The following POMC variants were observed in gnomAD, a reference collection of about 807,000 sequenced individuals.
POMC encodes proopiomelanocortin, also known as pro-opiomelanocortin.
A neutral mutation model predicts 18.5 loss-of-function variants in POMC; 19 were observed. That is an observed-to-expected ratio of 1.03 (90% CI 0.72 to 1.51). The LOEUF (loss-of-function observed/expected upper bound fraction) is 1.51. POMC is among the 40% of genes most tolerant of loss of function. The probability of loss-of-function intolerance (pLI) is 0.00; values close to 1 mark genes in which losing one functional copy is unlikely to be tolerated. For missense variants in POMC, 451 were observed against 379.0 expected (o/e 1.19, Z -1.58); for synonymous variants, 179 against 161.9 (o/e 1.11, Z -0.80).
Position 25,161,624 on chromosome 2 carries a change from G to T in POMC, c.261C>A (p.Phe87Leu), listed in dbSNP as rs199636726. The T allele has an allele frequency of 6.4e-4, 991 of 1,553,510 alleles. 4 individuals are homozygous for T. In the African/African-American group the frequency reaches 0.011, roughly 17 times the overall value. Residue 87 changes from phenylalanine to leucine, a missense_variant, in exon 3 of 3, where the codon TTC becomes TTA. Coordinates refer to ENST00000395826, the MANE Select transcript of POMC (RefSeq NM_000939.4). This position sits in a 1 kb window ranked among gnomAD's most constrained non-coding sequence, Gnocchi z 5.7. ...CGCTGCTGCTGCTGTTGCGGCGGCC[G>T]AATCGGTCCCAGCGGAAGTGGCCCA... ...YVMGHFRWDR[F>L]GRRNSSSSGS...
chr2:25,165,255 G>A (rs1671516589), intron 1 of POMC, among the ~76,000 whole-genome samples: 1 of 152,180 alleles, frequency 6.6e-6, no homozygotes, highest in Admixed American at 6.5e-5. Flanking sequence ...GAAAAACGGA[G>A]GACCCTGAAA....
In POMC at chr2:25,161,598, C is replaced by CCGCTGCTGCTGCTGT. The variant is rs1372414556; in HGVS notation, c.272_286dup (p.Ser95_Gly96insAspSerSerSerSer). 2.6e-6 allele frequency: 4 copies of CCGCTGCTGCTGCTGT among 1,557,156 alleles called. No individual in the cohort carries two copies. The highest frequency in any genetic ancestry group is 3.5e-6 in the Non-Finnish European group (4 of 1,150,578). On this transcript the variant is annotated inframe_insertion, in exon 3 of 3. Transcript: ENST00000395826. The surrounding 1 kb of genome is among the most constrained non-coding windows in gnomAD (Gnocchi z 5.7). ...GCGCTTCTGCCCTGCGCCGCTGCTG[C>CCGCTGCTGCTGCTGT]CGCTGCTGCTGCTGTTGCGGCGGCC...
intron 2 of POMC, among the ~76,000 whole-genome samples, chr2:25,162,425 C>A (rs1671425037): frequency 6.6e-6 from 1 of 151,828 alleles, no homozygotes; most frequent in Non-Finnish European, 1.5e-5. Flanking sequence ...ACTCCACACT[C>A]CAGCCAGGGC....
intron 1 of POMC, among the ~76,000 whole-genome samples, chr2:25,167,109 G>A (rs143986138): frequency 1.3e-5 from 2 of 152,310 alleles, no homozygotes; most frequent in East Asian, 1.9e-4. Context: ...GCTTGTTACT[G>A]TAAAACTGCA....
At chr2:25,162,176 C>A (rs76532943) in intron 2 of POMC, among the ~76,000 whole-genome samples, 33 of 152,282 alleles carry the variant, frequency 2.2e-4, no homozygotes, top group Admixed American at 1.9e-3. Context: ...GGGCCGGGCA[C>A]GGTGGCTCAC....
chr2:25,161,628 C>A lies in POMC; in HGVS notation c.257G>T (p.Arg86Leu). Residue 86 changes from arginine to leucine, a missense_variant, in exon 3 of 3, where the codon CGA (arginine) becomes CTA (leucine). Transcript: ENST00000395826. The surrounding 1 kb of genome is among the most constrained non-coding windows in gnomAD (Gnocchi z 5.7). ...KYVMGHFRWD[R>L]FGRRNSSSSG... ...GCTGCTGCTGTTGCGGCGGCCGAAT[C>A]GGTCCCAGCGGAAGTGGCCCATGAC... is the stretch of plus-strand genomic sequence containing the variant. 3 of 1,552,956 alleles carry A rather than the reference C, an allele frequency of 1.9e-6. No homozygotes were observed. Among genetic ancestry groups the A allele is most frequent in the Non-Finnish European group, 2.6e-6 (3 of 1,148,542 alleles).
chr2:25,161,073 C>T lies in POMC; in HGVS notation c.*8G>A, dbSNP rs1179471040. ...GGGGGAGGGTAGCCCTGGGGCCCCGCTGTGCCCTCACTCGCCCTTCTTGTA... is the reference window on the plus strand; with the variant it reads ...GGGGGAGGGTAGCCCTGGGGCCCCGTTGTGCCCTCACTCGCCCTTCTTGTA... On this transcript the variant is annotated 3_prime_UTR_variant, in exon 3 of 3. Coordinates refer to ENST00000395826, the MANE Select transcript of POMC (RefSeq NM_000939.4). The surrounding 1 kb of genome is among the most constrained non-coding windows in gnomAD (Gnocchi z 5.7). The T allele has an allele frequency of 6.2e-7, 1 of 1,614,072 alleles. No homozygotes were observed. Among genetic ancestry groups the T allele is most frequent in the Non-Finnish European group, 8.5e-7 (1 of 1,180,012 alleles).
At position 25,168,113 on chromosome 2, in the gene POMC, C is replaced by G. The variant is rs1426581373; in HGVS notation, c.-21+385G>C. On this transcript the variant is annotated intron_variant, in intron 1 of 2. Coordinates refer to ENST00000395826, the MANE Select transcript of POMC (RefSeq NM_000939.4). This position sits in a 1 kb window ranked among gnomAD's most constrained non-coding sequence, Gnocchi z 5.2. ...AGGTTGCGGTGAGCAGAGATCACCC[C>G]TTTGCTCTCCAGCATGGGCAACAAG... is the stretch of plus-strand genomic sequence containing the variant. 6.7e-6 allele frequency among the ~76,000 whole-genome samples: 1 copy of G among 149,658 alleles called. No homozygotes were observed. The highest frequency in any genetic ancestry group is 1.5e-5 in the Non-Finnish European group (1 of 67,706).
chr2:25,165,055 T>C lies in POMC; in HGVS notation c.-20-263A>G, dbSNP rs532091347. ...ACGAGACCCCTAAAAAGGTTAAGGC[T>C]GGAAGCTATTTTGGGGATTGCTTGG... On this transcript the variant is annotated intron_variant, in intron 1 of 2. Transcript: ENST00000395826. Among the ~76,000 whole-genome samples the C allele has an allele frequency of 8.2e-4, 125 of 152,346 alleles. 1 individual carries two copies. The South Asian group carries it at 0.024, about 30-fold the overall frequency.
At chr2:25,162,339 A>G (rs1162413591) in intron 2 of POMC, among the ~76,000 whole-genome samples, 1 of 152,016 alleles carries the variant, frequency 6.6e-6, no homozygotes, top group Non-Finnish European at 1.5e-5. Context: ...AATCCCAGCT[A>G]CTCTGGAGCC....
At chr2:25,165,968 C>G (rs888160248) in intron 1 of POMC, among the ~76,000 whole-genome samples, 9 of 152,238 alleles carry the variant, frequency 5.9e-5, no homozygotes, top group African/African-American at 1.2e-4. Flanking sequence ...GACTAAGTGT[C>G]TTGTCACTCC....
intron 2 of POMC, among the ~76,000 whole-genome samples, chr2:25,162,674 A>C (rs988814968): frequency 1.1e-4 from 16 of 152,072 alleles, no homozygotes; most frequent in Non-Finnish European, 4.4e-5. Context: ...GCGCCACTGC[A>C]CTCCAGCCTG....
At position 25,161,587 on chromosome 2, in the gene POMC, C is replaced by CGCCGCTGCT. The variant is rs10654394; in HGVS notation, c.289_297dup (p.Ser97_Gly99dup). 102,644 of 1,557,810 alleles carry CGCCGCTGCT rather than the reference C, an allele frequency of 0.066. 5,307 individuals carry two copies. The highest frequency in any genetic ancestry group is 0.28 in the African/African-American group (20,051 of 72,824). On this transcript the variant is annotated inframe_insertion, in exon 3 of 3. Transcript: ENST00000395826. The surrounding 1 kb of genome is among the most constrained non-coding windows in gnomAD (Gnocchi z 5.7). ...GAGACGTCCTCGCGCTTCTGCCCTGCGCCGCTGCTGCCGCTGCTGCTGCTG... is the reference window on the plus strand; with the variant it reads ...GAGACGTCCTCGCGCTTCTGCCCTGCGCCGCTGCTGCCGCTGCTGCCGCTGCTGCTGCTG...
Position 25,161,526 on chromosome 2 carries a change from C to T in POMC, c.359G>A (p.Gly120Asp), listed in dbSNP as rs759506294. 1 of 1,588,844 alleles carries T rather than the reference C, an allele frequency of 6.3e-7. No individual in the cohort carries two copies. The highest frequency in any genetic ancestry group is 1.3e-5 in the African/African-American group (1 of 74,514). ...GGCACCATCGCTGCGGGGCTCGGGG[C>T]CGCCCTCAGGCAGCGGGCCGCAGTC... is the stretch of plus-strand genomic sequence containing the variant. ...GEDCGPLPEG[G>D]PEPRSDGAKP... The change falls in exon 3 of 3, where the codon GGC becomes GAC. Residue 120 changes from glycine to aspartate, a missense_variant. Physicochemically the swap from Gly to Asp is moderately conservative, Grantham distance 94 (BLOSUM62 -1). Transcript: ENST00000395826. This position sits in a 1 kb window ranked among gnomAD's most constrained non-coding sequence, Gnocchi z 5.7.
rs202042867 is a variant in POMC at position 25,161,630 on chromosome 2, G to A, written c.255C>T (p.Asp85=). The change falls in exon 3 of 3, where the codon GAC becomes GAT. Residue 85 remains aspartate (D), a synonymous_variant. Coordinates refer to ENST00000395826, the MANE Select transcript of POMC (RefSeq NM_000939.4). The surrounding 1 kb of genome is among the most constrained non-coding windows in gnomAD (Gnocchi z 5.7). ...RKYVMGHFRW[D]RFGRRNSSSS... ...TGCTGCTGTTGCGGCGGCCGAATCGGTCCCAGCGGAAGTGGCCCATGACGT... is the reference window on the plus strand; with the variant it reads ...TGCTGCTGTTGCGGCGGCCGAATCGATCCCAGCGGAAGTGGCCCATGACGT... 1 of 1,553,332 alleles carries A rather than the reference G, an allele frequency of 6.4e-7. No individual in the cohort carries two copies. Among genetic ancestry groups the A allele is most frequent in the East Asian group, 2.4e-5 (1 of 41,054 alleles).
intron 1 of POMC, among the ~76,000 whole-genome samples, chr2:25,167,300 A>G (rs895980856): frequency 3.3e-5 from 5 of 152,122 alleles, no homozygotes; most frequent in African/African-American, 1.2e-4. Flanking sequence ...ATCCACACAC[A>G]CTTTTATTTT....
At position 25,160,982 on chromosome 2, in the gene POMC, C is replaced by T. The variant is rs1269423079; in HGVS notation, c.*99G>A. On this transcript the variant is annotated 3_prime_UTR_variant, in exon 3 of 3. Coordinates refer to ENST00000395826, the MANE Select transcript of POMC (RefSeq NM_000939.4). Reference sequence around the variant, plus strand: ...GCTTTAAGAGGCTGATTATCTGCCACGACCCCCCAGGCTGGGAGGCGGCAG... The same window carrying T: ...GCTTTAAGAGGCTGATTATCTGCCATGACCCCCCAGGCTGGGAGGCGGCAG... The T allele has an allele frequency of 3.8e-6, 6 of 1,562,070 alleles. 1 individual carries two copies. The highest frequency in any genetic ancestry group is 3.6e-4 in the Middle Eastern group (2 of 5,532).
chr2:25,165,841 C>T (rs770063188), intron 1 of POMC, among the ~76,000 whole-genome samples: 34 of 152,270 alleles, frequency 2.2e-4, no homozygotes, highest in Non-Finnish European at 4.1e-4. Flanking sequence ...ACCTCGAGGC[C>T]GGAGATCAGC....
intron 1 of POMC, among the ~76,000 whole-genome samples, chr2:25,166,866 T>C (rs532914320): frequency 6.6e-6 from 1 of 152,376 alleles, no homozygotes; most frequent in East Asian, 1.9e-4. Flanking sequence ...TTTTCAGTTC[T>C]CTACAATGAA....
Sources: allele counts gnomAD v4.1 joint callset (sites outside exome capture counted in the v4.1 genomes callset), GRCh38; gene constraint gnomAD v4.1.1; non-coding constraint Gnocchi (gnomAD v3.1); transcripts MANE v1.5; gene names NCBI Gene and HGNC (gene_info 2026-07-23, HGNC 2026-07-21).